Variants in SCFD2 observed in about 807,000 individuals in gnomAD.
SCFD2 encodes the protein sec1 family domain-containing protein 2.
A neutral mutation model predicts 58.9 loss-of-function variants in SCFD2; 54 were observed. The observed-to-expected ratio is 0.92, with a 90% CI of 0.74 to 1.15. SCFD2 has a LOEUF of 1.15. SCFD2 is among the 50% of genes most tolerant of loss of function. SCFD2 has a pLI of 0.00. For missense variants in SCFD2, 805 were observed against 836.6 expected, an observed-to-expected ratio of 0.96 and a Z score of 0.47; for synonymous variants, 321 against 335.9, an observed-to-expected ratio of 0.96 and a Z score of 0.49.
chr4:53,251,242 T>C (rs1019111296), intron 4 of SCFD2, among the ~76,000 whole-genome samples: 4 of 152,062 alleles, frequency 2.6e-5, no homozygotes, highest in African/African-American at 7.2e-5. Flanking sequence ...CAATAATCAA[T>C]AGCTTACCAA....
intron 3 of SCFD2, among the ~76,000 whole-genome samples, chr4:53,301,333 T>C (rs1732282318): frequency 6.6e-6 from 1 of 152,036 alleles, no homozygotes; most frequent in African/African-American, 2.4e-5. Flanking sequence ...TCTATGCAAA[T>C]AAACTAGAAA....
chr4:53,343,439 TCTGA>T (rs1733950374), intron 2 of SCFD2, among the ~76,000 whole-genome samples: 2 of 152,102 alleles, frequency 1.3e-5, no homozygotes, highest in South Asian at 4.1e-4. Context: ...AATAACAGGT[TCTGA>T]AATTGAGGCA....
chr4:53,183,664 T>TA (rs11353763), intron 4 of SCFD2, among the ~76,000 whole-genome samples: 3 of 148,484 alleles, frequency 2.0e-5, no homozygotes, highest in Non-Finnish European at 3.0e-5. Context: ...ATAATAAAAT[T>TA]AAAAAAAAAA....
chr4:53,275,650 C>G (rs958625577), intron 3 of SCFD2, among the ~76,000 whole-genome samples: 3 of 152,150 alleles, frequency 2.0e-5, no homozygotes, highest in African/African-American at 4.8e-5. Context: ...AAACAGCTCC[C>G]CTTCTTGGTA....
intron 7 of SCFD2, among the ~76,000 whole-genome samples, chr4:52,903,461 G>T (rs905441983): frequency 1.3e-5 from 2 of 152,170 alleles, no homozygotes; most frequent in Admixed American, 6.5e-5. Flanking sequence ...TGGCTTAAGG[G>T]CAGTAGTTGG....
At chr4:52,952,329 A>G (rs1720619047) in intron 5 of SCFD2, among the ~76,000 whole-genome samples, 1 of 148,318 alleles carries the variant, frequency 6.7e-6, no homozygotes. Flanking sequence ...TGAGGCCCAG[A>G]CAGTAACACA....
At chr4:52,875,242 T>C (rs1442416203) in intron 8 of SCFD2, among the ~76,000 whole-genome samples, 1 of 152,160 alleles carries the variant, frequency 6.6e-6, no homozygotes, top group Non-Finnish European at 1.5e-5. Context: ...GCTTCTTTCA[T>C]GGTGACCCTT....
At chr4:53,358,648 C>T (rs1734466466) in intron 1 of SCFD2, among the ~76,000 whole-genome samples, 1 of 152,066 alleles carries the variant, frequency 6.6e-6, no homozygotes, top group South Asian at 2.1e-4. Flanking sequence ...CCATCTCCTA[C>T]CTTTTAATTT....
intron 5 of SCFD2, among the ~76,000 whole-genome samples, chr4:53,099,000 A>C (rs1328213512): frequency 1.3e-5 from 2 of 152,160 alleles, no homozygotes; most frequent in East Asian, 3.8e-4. Flanking sequence ...CTCCAGCTAA[A>C]CTGTAAGCTC....
At chr4:52,951,987 C>G (rs1256217529) in intron 5 of SCFD2, among the ~76,000 whole-genome samples, 1 of 152,178 alleles carries the variant, frequency 6.6e-6, no homozygotes, top group African/African-American at 2.4e-5. Flanking sequence ...AGAAGGCGCT[C>G]TACCCCTAGG....
At chr4:53,008,127 C>T (rs915778100) in intron 5 of SCFD2, among the ~76,000 whole-genome samples, 4 of 152,158 alleles carry the variant, frequency 2.6e-5, no homozygotes, top group African/African-American at 2.4e-5. Flanking sequence ...AGGAAACTAA[C>T]GAGTGGAGGG....
At chr4:53,062,963 A>G (rs1310275106) in intron 5 of SCFD2, among the ~76,000 whole-genome samples, 1 of 152,126 alleles carries the variant, frequency 6.6e-6, no homozygotes, top group Non-Finnish European at 1.5e-5. Flanking sequence ...CACTATTACA[A>G]ATGTGAAATG....
chr4:52,978,074 G>A (rs1423882693), intron 5 of SCFD2, among the ~76,000 whole-genome samples: 3 of 152,218 alleles, frequency 2.0e-5, no homozygotes, highest in Admixed American at 6.5e-5. Flanking sequence ...AGTCCTTGGA[G>A]CAGTTGCTGG....
At chr4:53,183,740 A>G (rs1366980645) in intron 4 of SCFD2, among the ~76,000 whole-genome samples, 2 of 152,164 alleles carry the variant, frequency 1.3e-5, no homozygotes, top group Non-Finnish European at 2.9e-5. Context: ...AACCCTTATG[A>G]AATCTTCCAT....
chr4:53,327,832 C>T (rs1387520097), intron 2 of SCFD2, among the ~76,000 whole-genome samples: 2 of 151,958 alleles, frequency 1.3e-5, no homozygotes, highest in Admixed American at 6.6e-5. Flanking sequence ...TCATAGTTCT[C>T]AATATACAGA....
chr4:53,249,705 A>G (rs182282797), intron 4 of SCFD2, among the ~76,000 whole-genome samples: 3 of 152,154 alleles, frequency 2.0e-5, no homozygotes, highest in Non-Finnish European at 4.4e-5. Context: ...CAGCCAAACT[A>G]ACCTTCATAA....
intron 2 of SCFD2, among the ~76,000 whole-genome samples, chr4:53,329,906 T>G (rs1029448435): frequency 6.6e-6 from 1 of 152,026 alleles, no homozygotes; most frequent in African/African-American, 2.4e-5. Context: ...TTAAAGGAGC[T>G]GATGCAGCTG....
chr4:53,231,142 G>A, intron 4 of SCFD2, among the ~76,000 whole-genome samples: 1 of 151,906 alleles, frequency 6.6e-6, no homozygotes, highest in East Asian at 1.9e-4. Flanking sequence ...TGTTAAGTAG[G>A]ATATATATCC....
intron 5 of SCFD2, among the ~76,000 whole-genome samples, chr4:53,138,849 T>G (rs1726019240): frequency 6.8e-6 from 1 of 147,758 alleles, no homozygotes. Context: ...TGAAAGAAAA[T>G]CCCTCTCCCC....
Sources: allele counts gnomAD v4.1 joint callset (sites outside exome capture counted in the v4.1 genomes callset), GRCh38; gene constraint gnomAD v4.1.1; transcripts MANE v1.5; gene names NCBI Gene and HGNC (gene_info 2026-07-23, HGNC 2026-07-21).